HPSE2: variants seen among roughly 807,000 people sequenced by gnomAD.
HPSE2 encodes inactive heparanase-2.
A neutral mutation model predicts 60.5 loss-of-function variants in HPSE2; 38 were observed. The ratio of observed to expected loss-of-function variants is 0.63; its 90% CI spans 0.48 to 0.82. The LOEUF (loss-of-function observed/expected upper bound fraction) is 0.82. Among genes scored for constraint, HPSE2 ranks in the 40% least tolerant of loss-of-function variants. The probability of loss-of-function intolerance (pLI) is 0.00; values close to 1 mark genes in which losing one functional copy is unlikely to be tolerated. For missense variants in HPSE2, 713 were observed against 740.4 expected (o/e 0.96, Z 0.43); for synonymous variants, 295 against 293.2 (o/e 1.01, Z -0.06).
chr10:99,138,041 A>G (rs1289948986), intron 3 of HPSE2, among the ~76,000 whole-genome samples: 3 of 152,238 alleles, frequency 2.0e-5, no homozygotes, highest in Non-Finnish European at 4.4e-5. Flanking sequence ...AAACAAATTT[A>G]CAAGAAAAAA....
intron 9 of HPSE2, among the ~76,000 whole-genome samples, chr10:98,514,717 T>G (rs895855344): frequency 7.2e-6 from 1 of 138,546 alleles, no homozygotes; most frequent in Non-Finnish European, 1.5e-5. Flanking sequence ...CTTTGTTTTT[T>G]TTTTTTTTTT....
intron 7 of HPSE2, among the ~76,000 whole-genome samples, chr10:98,621,233 G>A (rs1486582543): frequency 6.6e-6 from 1 of 151,976 alleles, no homozygotes; most frequent in Non-Finnish European, 1.5e-5. Context: ...GAAAATAACT[G>A]CAGTAAGGGT....
chr10:99,084,008 G>GTT (rs1182249252), intron 3 of HPSE2, among the ~76,000 whole-genome samples: 1 of 118,622 alleles, frequency 8.4e-6, no homozygotes, highest in Non-Finnish European at 1.8e-5. Context: ...ACTGCCCAGG[G>GTT]TTTTTTCCCA....
At chr10:99,139,839 T>A (rs1845801494) in intron 3 of HPSE2, among the ~76,000 whole-genome samples, 1 of 152,196 alleles carries the variant, frequency 6.6e-6, no homozygotes. Flanking sequence ...TGTGTATCAA[T>A]ATCAACCCAG....
At chr10:98,941,975 G>T (rs9732365) in intron 3 of HPSE2, among the ~76,000 whole-genome samples, 1 of 138,640 alleles carries the variant, frequency 7.2e-6, no homozygotes, top group Non-Finnish European at 1.5e-5. Flanking sequence ...AACAAGCAAT[G>T]GGGAAAGGAT....
At chr10:99,142,536 T>A (rs2135773371) in intron 3 of HPSE2, among the ~76,000 whole-genome samples, 1 of 152,184 alleles carries the variant, frequency 6.6e-6, no homozygotes, top group African/African-American at 2.4e-5. Context: ...GGCATTTGGG[T>A]GAAAAATGTG....
chr10:98,620,272 C>A (rs992450421), intron 8 of HPSE2, among the ~76,000 whole-genome samples: 1 of 152,088 alleles, frequency 6.6e-6, no homozygotes, highest in South Asian at 2.1e-4. Flanking sequence ...ACCTATCTCC[C>A]AAGACTATAG....
chr10:98,905,503 T>C (rs562874551), intron 3 of HPSE2, among the ~76,000 whole-genome samples: 3 of 152,280 alleles, frequency 2.0e-5, no homozygotes, highest in East Asian at 3.9e-4. Flanking sequence ...GGAGACATTT[T>C]ATTTAGTAAC....
intron 3 of HPSE2, among the ~76,000 whole-genome samples, chr10:99,054,245 T>C (rs905322103): frequency 6.6e-6 from 1 of 152,196 alleles, no homozygotes. Flanking sequence ...GTTTATCAGA[T>C]AGCAGATATT....
chr10:98,817,596 G>C (rs905290511), intron 3 of HPSE2, among the ~76,000 whole-genome samples: 1 of 152,144 alleles, frequency 6.6e-6, no homozygotes, highest in Admixed American at 6.5e-5. Context: ...AGTCCTTGAA[G>C]CTCTGGTTTC....
intron 4 of HPSE2, among the ~76,000 whole-genome samples, chr10:98,730,594 G>A (rs1949202773): frequency 6.6e-6 from 1 of 151,704 alleles, no homozygotes; most frequent in Non-Finnish European, 1.5e-5. Context: ...CGAAAAAAGA[G>A]AGAGAGAAGT....
Position 99,132,180 on chromosome 10 carries a change from AG to A in HPSE2, c.610+12057del, listed in dbSNP as rs1845428740. On this transcript the variant is annotated intron_variant, in intron 3 of 11. Transcript: ENST00000370552. Reference sequence around the variant, plus strand: ...AAGAAAGAAAGAAAGAAAGAAAGAAAGAAAGAAAGAAAGAGAGAGAGAGAGA... The same window carrying A: ...AAGAAAGAAAGAAAGAAAGAAAGAAAAAAGAAAGAAAGAGAGAGAGAGAGA... Among the ~76,000 whole-genome samples the A allele has an allele frequency of 4.7e-4, 5 of 10,604 alleles. 1 individual carries two copies. Among genetic ancestry groups the A allele is most frequent in the Middle Eastern group, 0.067 (2 of 30 alleles). 7.0% of individuals were successfully genotyped at this position (10,604 alleles called of 152,430 possible).
chr10:99,048,033 T>C (rs2862507), intron 3 of HPSE2: 1 of 684,774 alleles, frequency 1.5e-6, no homozygotes, highest in Admixed American at 2.1e-5. Context: ...GCAATTAATA[T>C]GCTGTGGACT....
At chr10:98,628,562 A>C (rs1039259215) in intron 7 of HPSE2, among the ~76,000 whole-genome samples, 1 of 152,110 alleles carries the variant, frequency 6.6e-6, no homozygotes, top group Non-Finnish European at 1.5e-5. Context: ...GAAATTACTT[A>C]AGTGAAGGTA....
intron 9 of HPSE2, among the ~76,000 whole-genome samples, chr10:98,600,926 T>TATATATATATATA (rs71304999): frequency 0.32 from 34,871 of 107,464 alleles, 6,715 homozygotes; most frequent in Admixed American, 0.42. Context: ...TATATATATA[T>TATATATATATATA]ATATATATAT....
intron 11 of HPSE2, among the ~76,000 whole-genome samples, chr10:98,462,217 T>C (rs908967154): frequency 9.8e-5 from 15 of 152,330 alleles, no homozygotes; most frequent in Admixed American, 2.6e-4. Flanking sequence ...CTCGATCTGT[T>C]GCCCAGGCTG....
chr10:98,581,377 A>G (rs1944793596), intron 9 of HPSE2, among the ~76,000 whole-genome samples: 1 of 152,208 alleles, frequency 6.6e-6, no homozygotes, highest in Non-Finnish European at 1.5e-5. Flanking sequence ...ATTTTAACTT[A>G]ACAACAACTT....
chr10:98,494,303 C>A (rs1279427820), intron 9 of HPSE2, among the ~76,000 whole-genome samples: 4 of 152,162 alleles, frequency 2.6e-5, no homozygotes, highest in African/African-American at 9.7e-5. Context: ...TGGAACGGGA[C>A]CTCACATTCT....
intron 3 of HPSE2, among the ~76,000 whole-genome samples, chr10:99,014,651 C>T (rs1361456713): frequency 6.6e-6 from 1 of 152,148 alleles, no homozygotes; most frequent in Non-Finnish European, 1.5e-5. Flanking sequence ...GTCATTCTAA[C>T]TGGTGTGAGA....
Sources: allele counts gnomAD v4.1 joint callset (sites outside exome capture counted in the v4.1 genomes callset), GRCh38; gene constraint gnomAD v4.1.1; transcripts MANE v1.5; gene names NCBI Gene and HGNC (gene_info 2026-07-23, HGNC 2026-07-21).